Variants in CAPN12 observed in about 807,000 individuals in gnomAD.
CAPN12 encodes the protein calpain-12.
CAPN12 carries 107 observed loss-of-function variants against 95.0 expected under a neutral mutation model. That is an observed-to-expected ratio of 1.13 (90% CI 0.96 to 1.32). CAPN12 has a LOEUF of 1.32. CAPN12 is among the 40% of genes most tolerant of loss of function. CAPN12 has a pLI of 0.00. For synonymous variants in CAPN12, 505 were observed against 415.5 expected (o/e 1.22, Z -2.62); for missense variants, 1,136 against 997.8 (o/e 1.14, Z -1.87).
chr19:38,742,945 G>A (rs571660837), intron 2 of CAPN12, 88 bp downstream of exon 2: 33 of 1,219,628 alleles, frequency 2.7e-5, no homozygotes, highest in Non-Finnish European at 3.4e-5. Context: ...TCCAGGGGCC[G>A]GGAGTGGGTG....
chr19:38,735,147 G>A (rs933531779), intron 14 of CAPN12: 41 of 601,868 alleles, frequency 6.8e-5, no homozygotes, highest in East Asian at 1.4e-4. Flanking sequence ...CTGGCTGGAG[G>A]TGTCAGGAGG....
At position 38,737,263 on chromosome 19, in the gene CAPN12, C is replaced by T. The variant is rs199673993; in HGVS notation, c.1255G>A (p.Gly419Ser). Residue 419 changes from glycine to serine, a missense_variant, in exon 10 of 21, where the codon GGC (glycine) becomes AGC (serine). Physicochemically the swap from Gly to Ser is moderately conservative, Grantham distance 56. Coordinates refer to ENST00000328867, the MANE Select transcript of CAPN12 (RefSeq NM_144691.4). ...AGGACCGTGCACTTGGGCGTGCGGCCCCCCCGCGCTGGGCCCCGTGCCCCT... is the reference window on the plus strand; with the variant it reads ...AGGACCGTGCACTTGGGCGTGCGGCTCCCCCGCGCTGGGCCCCGTGCCCCT... ...AAGARGPARG[G>S]RTPKCTVLLS... 2.1e-5 allele frequency: 32 copies of T among 1,549,576 alleles called. No homozygotes were observed. The highest frequency in any genetic ancestry group is 2.0e-4 in the South Asian group (17 of 84,074).
chr19:38,735,589 GCT>G, intron 12 of CAPN12, 45 bp from the exon 13 acceptor site: 5 of 1,594,080 alleles, frequency 3.1e-6, no homozygotes, highest in Non-Finnish European at 4.3e-6. Flanking sequence ...GTTTGCCCCA[GCT>G]GGGGCTGTGT....
intron 10 of CAPN12, 68 bp downstream of exon 10, chr19:38,737,088 T>A: frequency 4.4e-5 from 12 of 274,504 alleles, no homozygotes; most frequent in Non-Finnish European, 5.3e-5. Context: ...CCTCCCCCGC[T>A]CCTTGGCCCG....
chr19:38,731,265 C>T (rs1356554838), intron 18 of CAPN12, 42 bp from the exon 19 acceptor site: 2 of 1,527,596 alleles, frequency 1.3e-6, no homozygotes, highest in South Asian at 1.1e-5. Context: ...CCACAGGGAA[C>T]CCACCTTGGC....
intron 15 of CAPN12, 80 bp downstream of exon 15, chr19:38,734,733 T>C (rs953270131): frequency 1.5e-5 from 20 of 1,361,768 alleles, no homozygotes; most frequent in Non-Finnish European, 2.0e-5. Context: ...GGTGGGTTCA[T>C]AGACATAGGG....
At chr19:38,738,236 C>T (rs752526336) in intron 8 of CAPN12, 37 bp downstream of exon 8, 1 of 1,607,724 alleles carries the variant, frequency 6.2e-7, no homozygotes, top group South Asian at 1.1e-5. Context: ...TGGCAGAGAC[C>T]CTCCCAGAGG....
At chr19:38,742,339 A>G (rs1970593880) in intron 3 of CAPN12, 71 bp downstream of exon 3, 12 of 1,218,780 alleles carry the variant, frequency 9.8e-6, no homozygotes, top group Non-Finnish European at 1.4e-5. Flanking sequence ...AAAAAAAAAA[A>G]AAAAGAAAAA....
At chr19:38,742,663 G>A in intron 2 of CAPN12, 135 bp from the exon 3 acceptor site, 1 of 646,680 alleles carries the variant, frequency 1.5e-6, no homozygotes, top group Non-Finnish European at 2.7e-6. Flanking sequence ...GACCAGCCTG[G>A]CCAACATGGC....
chr19:38,741,124 C>G (rs2145256556), intron 4 of CAPN12, among the ~76,000 whole-genome samples: 1 of 152,208 alleles, frequency 6.6e-6, no homozygotes, highest in East Asian at 1.9e-4. Context: ...CCAGGAGAGA[C>G]AATCTAAGAT....
At chr19:38,737,951 C>T (rs555271804) in intron 8 of CAPN12, among the ~76,000 whole-genome samples, 1 of 152,234 alleles carries the variant, frequency 6.6e-6, no homozygotes, top group East Asian at 1.9e-4. Context: ...TCAACATTGC[C>T]AAATCTCAAG....
At chr19:38,741,356 T>C (rs1599931489) in intron 4 of CAPN12, among the ~76,000 whole-genome samples, 1 of 152,170 alleles carries the variant, frequency 6.6e-6, no homozygotes, top group African/African-American at 2.4e-5. Context: ...GTGGATCACC[T>C]GAGATCAGGA....
Position 38,730,657 on chromosome 19 carries a change from G to A in CAPN12, c.*195C>T. 1 of 651,378 alleles carries A rather than the reference G, an allele frequency of 1.5e-6. No individual in the cohort carries two copies. Among genetic ancestry groups the A allele is most frequent in the Non-Finnish European group, 2.7e-6 (1 of 370,870 alleles). 40.3% of individuals were successfully genotyped at this position (651,378 alleles called of 1,614,324 possible). A position where few individuals can be genotyped will look rare whatever the true frequency, so the allele number is the denominator to read the frequency against. The stretch of plus-strand genomic sequence containing the variant: ...TAGCTCGTGTCATCTGCTCGAGAAG[G>A]GCTGTCGCTGTTCTTGTTTCTGAGT... On this transcript the variant is annotated 3_prime_UTR_variant, in exon 21 of 21. Coordinates refer to ENST00000328867, the MANE Select transcript of CAPN12 (RefSeq NM_144691.4).
At chr19:38,734,717 C>T in intron 15 of CAPN12, 96 bp downstream of exon 15, 2 of 1,151,776 alleles carry the variant, frequency 1.7e-6, no homozygotes, top group Non-Finnish European at 2.5e-6. Flanking sequence ...CAACTCCCAG[C>T]AGCGCGGTGG....
chr19:38,741,594 A>C (rs563809466), intron 4 of CAPN12, among the ~76,000 whole-genome samples, 183 bp downstream of exon 4: 1 of 152,034 alleles, frequency 6.6e-6, no homozygotes, highest in East Asian at 1.9e-4. Flanking sequence ...AAGAAAAAAA[A>C]AAAAAACATG....
chr19:38,741,878 C>A lies in CAPN12; in HGVS notation c.459G>T (p.Val153=). The part of the protein sequence containing the change: ...LWQFGRWMDV[V]VDDRLPVREG... ...CACGCACGGGCAGCCTGTCATCCAC[C>A]ACGACGTCCATCCAGCGGCCAAACT... Residue 153 remains valine (V), a synonymous_variant, in exon 4 of 21, where the codon GTG becomes GTT. Coordinates refer to ENST00000328867, the MANE Select transcript of CAPN12 (RefSeq NM_144691.4). 6.2e-7 allele frequency: 1 copy of A among 1,614,076 alleles called. No homozygotes were observed. Among genetic ancestry groups the A allele is most frequent in the South Asian group, 1.1e-5 (1 of 91,060 alleles).
In CAPN12 at chr19:38,744,079, G is replaced by A. The variant is rs772406674; in HGVS notation, c.87C>T (p.Gly29=). The change falls in exon 1 of 21, where the codon GGC becomes GGT. Residue 29 remains glycine (G), a synonymous_variant. Transcript: ENST00000328867. The part of the protein sequence containing the change: ...VGAGRLQLFR[G]QSYEAIRAAC... ...CTGCCCGAATTGCCTCATAGCTCTGGCCCCGAAAAAGCTGCAGGCGCCCGG... is the reference window on the plus strand; with the variant it reads ...CTGCCCGAATTGCCTCATAGCTCTGACCCCGAAAAAGCTGCAGGCGCCCGG... 1.2e-6 allele frequency: 2 copies of A among 1,614,172 alleles called. No homozygotes were observed. Among genetic ancestry groups the A allele is most frequent in the South Asian group, 2.2e-5 (2 of 91,080 alleles).
rs1821227891 is a variant in CAPN12, at chr19:38,736,642, A to G, written c.1363-79T>C. The G allele has an allele frequency of 2.2e-5, 32 of 1,469,840 alleles. 1 individual carries two copies. Among genetic ancestry groups the G allele is most frequent in the Non-Finnish European group, 3.0e-5 (32 of 1,082,850 alleles). The allele number at this position is 1,469,840 out of a possible 1,614,324, so 91.0% of individuals were successfully genotyped here. A position where few individuals can be genotyped will look rare whatever the true frequency, so the allele number is the denominator to read the frequency against. ...CAGGGTCTCCTCCCTGCCCCTTCTC[A>G]CCTCTGTGCTCTCTCCCTCCTTCTT... On this transcript the variant is annotated intron_variant, in intron 10 of 20. Transcript: ENST00000328867.
rs11406594 is a variant in CAPN12, at chr19:38,742,850, C to CAAAAAAAAAAAAAAA, written c.307+168_307+182dup. ...TGGGTGACAGAGTGAGACCCCATCT[C>CAAAAAAAAAAAAAAA]AAAAAAAAAAAAAAAAAAAAAAGGA... On this transcript the variant is annotated intron_variant, in intron 2 of 20. Transcript: ENST00000328867. Among the ~76,000 whole-genome samples the CAAAAAAAAAAAAAAA allele has an allele frequency of 1.4e-3, 72 of 53,288 alleles. 7 individuals carry two copies. Among genetic ancestry groups the CAAAAAAAAAAAAAAA allele is most frequent in the East Asian group, 0.01 (16 of 1,530 alleles). The allele number at this position is 53,288 out of a possible 152,430, so 35.0% of individuals were successfully genotyped here. A position where few individuals can be genotyped will look rare whatever the true frequency, so the allele number is the denominator to read the frequency against.
Sources: gnomAD v4.1 joint callset for allele counts (sites outside exome capture counted in the v4.1 genomes callset) on GRCh38, gnomAD v4.1.1 for gene constraint, MANE v1.5 for transcripts, NCBI Gene and HGNC (gene_info 2026-07-23, HGNC 2026-07-21) for gene names.